Variants in ATXN10 observed in about 807,000 individuals in gnomAD.
The protein encoded by ATXN10 is ataxin-10.
Under a neutral mutation model 52.9 loss-of-function variants are expected in ATXN10, and 28 were observed. The ratio of observed to expected loss-of-function variants is 0.53; its 90% confidence interval spans 0.39 to 0.73. ATXN10 has a LOEUF of 0.73. Among genes scored for constraint, ATXN10 ranks in the 30% least tolerant of loss-of-function variants. ATXN10 has a pLI of 0.00. For synonymous variants in ATXN10, 226 were observed against 221.5 expected, an observed-to-expected ratio of 1.02 and a Z score of -0.18; for missense variants, 565 against 577.0, an observed-to-expected ratio of 0.98 and a Z score of 0.21.
chr22:45,738,807 A>T lies in ATXN10; in HGVS notation c.971A>T (p.Gln324Leu). Residue 324 changes from glutamine to leucine, a missense_variant, in exon 8 of 12, where the codon CAG becomes CTG. By Grantham distance (113) the Gln-to-Leu change is moderately radical. Coordinates refer to ENST00000252934, the MANE Select transcript of ATXN10 (RefSeq NM_013236.4). ...AATACTGAGCTGCTCGGCTATCTGC[A>T]GGTTTTCCCTGGCTTGCTGGAAAGA... ...TVNTELLGYLQVFPGLLERVI... is the reference protein window; with the variant it reads ...TVNTELLGYLLVFPGLLERVI... 1 of 1,614,190 alleles carries T rather than the reference A, an allele frequency of 6.2e-7. No homozygotes were observed. Among genetic ancestry groups the T allele is most frequent in the Non-Finnish European group, 8.5e-7 (1 of 1,180,002 alleles).
intron 3 of ATXN10, among the ~76,000 whole-genome samples, chr22:45,695,735 A>G (rs982194816): frequency 1.3e-5 from 2 of 151,632 alleles, no homozygotes; most frequent in African/African-American, 4.9e-5. Flanking sequence ...CTCATAATCT[A>G]CCCACCTCGG....
intron 3 of ATXN10, among the ~76,000 whole-genome samples, chr22:45,693,338 A>G (rs919108216): frequency 1.3e-5 from 2 of 152,206 alleles, no homozygotes; most frequent in African/African-American, 2.4e-5. Context: ...TGGGTAGTTT[A>G]TAAACAACAG....
chr22:45,713,599 A>G (rs1276587636), intron 5 of ATXN10, among the ~76,000 whole-genome samples: 1 of 152,172 alleles, frequency 6.6e-6, no homozygotes, highest in African/African-American at 2.4e-5. Flanking sequence ...CAGAATGGTT[A>G]TTAAGTAGAA....
chr22:45,793,683 C>T (rs1052903116), intron 9 of ATXN10: 8 of 1,462,962 alleles, frequency 5.5e-6, no homozygotes, highest in African/African-American at 2.9e-5. Context: ...CAAGAGAAGT[C>T]ACCAATCACA....
intron 4 of ATXN10, among the ~76,000 whole-genome samples, chr22:45,702,391 A>G (rs1816404040): frequency 1.3e-5 from 2 of 152,204 alleles, no homozygotes; most frequent in Admixed American, 6.5e-5. Flanking sequence ...AACAAGAATG[A>G]ACATTTTAAT....
rs902895722 is a variant in ATXN10, at chr22:45,780,725, G to T, written c.1174-26234G>T. Among the ~76,000 whole-genome samples the T allele has an allele frequency of 6.6e-6, 1 of 152,194 alleles. No homozygotes were observed. Among genetic ancestry groups the T allele is most frequent in the Non-Finnish European group, 1.5e-5 (1 of 68,040 alleles). ...AAATTTAAACCTGGATCAGTGACTT[G>T]TGTCTTCATTTGCTAATGGAAGTCC... On this transcript the variant is annotated intron_variant, in intron 9 of 11. Coordinates refer to ENST00000252934, the MANE Select transcript of ATXN10 (RefSeq NM_013236.4). This position sits in a 1 kb window ranked among gnomAD's most constrained non-coding sequence, Gnocchi z 4.0.
At chr22:45,814,220 G>C (rs1928382981) in intron 10 of ATXN10, among the ~76,000 whole-genome samples, 1 of 152,196 alleles carries the variant, frequency 6.6e-6, no homozygotes, top group Admixed American at 6.5e-5. Flanking sequence ...ACTTTGAAAC[G>C]ATGTTTGCGT....
Position 45,690,551 on chromosome 22 carries a change from G to A in ATXN10, c.308+648G>A, listed in dbSNP as rs1601590264. Among the ~76,000 whole-genome samples, 1 of 152,182 alleles carries A rather than the reference G, an allele frequency of 6.6e-6. No homozygotes were observed. The highest frequency in any genetic ancestry group is 2.1e-4 in the South Asian group (1 of 4,824). On this transcript the variant is annotated intron_variant, in intron 2 of 11. Coordinates refer to ENST00000252934, the MANE Select transcript of ATXN10 (RefSeq NM_013236.4). The surrounding 1 kb of genome is among the most constrained non-coding windows in gnomAD (Gnocchi z 4.5). ...TTTTACCTGCCTAAGTTTATATGCAGTTCTTGACCTCAGGTTGTAAATGTT... is the reference window on the plus strand; with the variant it reads ...TTTTACCTGCCTAAGTTTATATGCAATTCTTGACCTCAGGTTGTAAATGTT...
intron 10 of ATXN10, among the ~76,000 whole-genome samples, chr22:45,832,394 G>A (rs555152728): frequency 6.6e-6 from 1 of 152,262 alleles, no homozygotes; most frequent in East Asian, 1.9e-4. Context: ...GCTCTCCAGG[G>A]GTCTGGCTTC....
chr22:45,794,697 T>G (rs1362654530), intron 9 of ATXN10, among the ~76,000 whole-genome samples: 1 of 152,128 alleles, frequency 6.6e-6, no homozygotes, highest in Non-Finnish European at 1.5e-5. Context: ...AAAGGAAAAC[T>G]GTTAATCTAG....
At chr22:45,793,697 C>A in intron 9 of ATXN10, 1 of 1,479,054 alleles carries the variant, frequency 6.8e-7, no homozygotes, top group Non-Finnish European at 9.0e-7. Flanking sequence ...AATCACACAG[C>A]TCCATGCTGA....
At chr22:45,747,295 A>G (rs530001865) in intron 9 of ATXN10, among the ~76,000 whole-genome samples, 41 of 152,320 alleles carry the variant, frequency 2.7e-4, no homozygotes, top group African/African-American at 9.9e-4. Flanking sequence ...GTTTGAGCTC[A>G]GAAGTTGGAG....
rs533482328 is a variant in ATXN10 at position 45,708,620 on chromosome 22, TCA to T, written c.647+5774_647+5775del. 1.6e-3 allele frequency among the ~76,000 whole-genome samples: 245 copies of T among 152,312 alleles called. No individual in the cohort carries two copies. The highest frequency in any genetic ancestry group is 6.8e-3 in the Middle Eastern group (2 of 294). On this transcript the variant is annotated intron_variant, in intron 5 of 11. Transcript: ENST00000252934. This position sits in a 1 kb window ranked among gnomAD's most constrained non-coding sequence, Gnocchi z 5.3. Reference sequence around the variant, plus strand: ...TTCAAAGGTGAGGCATGAACTCTTTTCAGTTTTAGCCTCTTTTGGTGTAAACT... The same window carrying T: ...TTCAAAGGTGAGGCATGAACTCTTTTGTTTTAGCCTCTTTTGGTGTAAACT...
rs1170179572 is a variant in ATXN10 at position 45,832,375 on chromosome 22, T to TGG, written c.1238-10616_1238-10615insGG. Among the ~76,000 whole-genome samples, 4 of 152,312 alleles carry TGG rather than the reference T, an allele frequency of 2.6e-5. 1 individual carries two copies. The South Asian group carries it at 6.2e-4, about 24-fold the overall frequency. The stretch of plus-strand genomic sequence containing the variant: ...GTGTGGCCTGCTCCCATCTGCACCC[T>TGG]CCTCCTCAGCTCTCCAGGGGTCTGG... On this transcript the variant is annotated intron_variant, in intron 10 of 11. Coordinates refer to ENST00000252934, the MANE Select transcript of ATXN10 (RefSeq NM_013236.4).
intron 9 of ATXN10, among the ~76,000 whole-genome samples, chr22:45,782,490 T>C (rs1927182519): frequency 6.6e-6 from 1 of 152,154 alleles, no homozygotes; most frequent in Admixed American, 6.5e-5. Context: ...CAGAGGGAGC[T>C]TCTGGGAGGT....
chr22:45,836,196 T>G (rs1239556701), intron 10 of ATXN10, among the ~76,000 whole-genome samples: 2 of 152,226 alleles, frequency 1.3e-5, no homozygotes, highest in South Asian at 2.1e-4. Context: ...TTTAATTTTC[T>G]GAATGAGAAG....
At chr22:45,724,515 A>G (rs1924791575) in intron 6 of ATXN10, among the ~76,000 whole-genome samples, 3 of 151,780 alleles carry the variant, frequency 2.0e-5, no homozygotes, top group Admixed American at 2.0e-4. Flanking sequence ...TGATGGAATT[A>G]TTTGTTTTTT....
Position 45,819,434 on chromosome 22 carries a change from A to G in ATXN10, c.1237+12412A>G, listed in dbSNP as rs145952267. ...TCCACTGAGCCTGTCTCTGCACGGA[A>G]CGAACACAAAGTTCGGTAGTCACAG... On this transcript the variant is annotated intron_variant, in intron 10 of 11. Coordinates refer to ENST00000252934, the MANE Select transcript of ATXN10 (RefSeq NM_013236.4). The surrounding 1 kb of genome is among the most constrained non-coding windows in gnomAD (Gnocchi z 4.5). Among the ~76,000 whole-genome samples the G allele has an allele frequency of 1.8e-3, 274 of 152,258 alleles. 2 individuals carry two copies. The highest frequency in any genetic ancestry group is 6.4e-3 in the African/African-American group (266 of 41,552).
At chr22:45,717,166 CT>C (rs1555889837) in intron 5 of ATXN10, among the ~76,000 whole-genome samples, 1 of 152,066 alleles carries the variant, frequency 6.6e-6, no homozygotes, top group Non-Finnish European at 1.5e-5. Context: ...TTCTTGCCCC[CT>C]GTCTGTCACC....
Sources: allele counts gnomAD v4.1 joint callset (sites outside exome capture counted in the v4.1 genomes callset), GRCh38; gene constraint gnomAD v4.1.1; non-coding constraint Gnocchi (gnomAD v3.1); transcripts MANE v1.5; gene names NCBI Gene and HGNC (gene_info 2026-07-23, HGNC 2026-07-21).